PRMT9: variants seen among roughly 807,000 people sequenced by gnomAD.
PRMT9 encodes the protein protein arginine N-methyltransferase 9.
PRMT9 carries 59 observed loss-of-function variants against 83.2 expected under a neutral mutation model. That is an observed-to-expected ratio of 0.71 (90% CI 0.57 to 0.88). The LOEUF is 0.88. Among genes scored for constraint, PRMT9 ranks in the 40% least tolerant of loss-of-function variants. PRMT9 has a pLI of 0.00. For missense variants in PRMT9, 947 were observed against 1,021.9 expected (o/e 0.93, Z 1.00); for synonymous variants, 333 against 353.2 (o/e 0.94, Z 0.64).
In PRMT9 at chr4:147,638,571, C is replaced by G. The variant is rs149853203; in HGVS notation, c.2499G>C (p.Gln833His). 4.7e-5 allele frequency: 76 copies of G among 1,613,734 alleles called. No individual in the cohort carries two copies. Among genetic ancestry groups the G allele is most frequent in the Non-Finnish European group, 6.4e-5 (76 of 1,179,848 alleles). ...TGATGCTGACATTGCTTTTGTGATGCTGAATGCTGAGTACAAGTTCCTCTC... is the reference window on the plus strand; with the variant it reads ...TGATGCTGACATTGCTTTTGTGATGGTGAATGCTGAGTACAAGTTCCTCTC... ...EMGEELVLSI[Q>H]HHKSNVSITV... The change falls in exon 12 of 12, where the codon CAG (glutamine) becomes CAC (histidine). Residue 833 changes from glutamine (Q) to histidine (H), a missense_variant. Transcript: ENST00000322396.
intron 9 of PRMT9, among the ~76,000 whole-genome samples, chr4:147,647,525 C>CTT (rs111868573): frequency 5.7e-5 from 8 of 141,516 alleles, no homozygotes; most frequent in Admixed American, 3.6e-4. Context: ...TTACACTTTT[C>CTT]TTTTTTTTTT....
intron 9 of PRMT9, 54 bp from the exon 10 acceptor site, chr4:147,642,994 T>C: frequency 1.3e-6 from 2 of 1,542,198 alleles, no homozygotes; most frequent in Non-Finnish European, 1.8e-6. Context: ...CGACAGTGGC[T>C]CACGCCTGTA....
intron 6 of PRMT9, among the ~76,000 whole-genome samples, chr4:147,664,693 C>A (rs1020033270): frequency 2.0e-5 from 3 of 152,036 alleles, no homozygotes; most frequent in Non-Finnish European, 4.4e-5. Context: ...GCATGCGGGG[C>A]TTAAAACCTA....
chr4:147,647,328 C>T (rs1733796057), intron 9 of PRMT9, among the ~76,000 whole-genome samples: 1 of 152,032 alleles, frequency 6.6e-6, no homozygotes, highest in African/African-American at 2.4e-5. Context: ...TGACTCCCAC[C>T]CAGAAAGTTG....
chr4:147,684,066 G>C lies in PRMT9; in HGVS notation c.-79C>G. 1 of 1,451,610 alleles carries C rather than the reference G, an allele frequency of 6.9e-7. No homozygotes were observed. The highest frequency in any genetic ancestry group is 9.4e-7 in the Non-Finnish European group (1 of 1,058,740). 89.9% of individuals were successfully genotyped at this position (1,451,610 alleles called of 1,614,324 possible). A position where few individuals can be genotyped will look rare whatever the true frequency, so the allele number is the denominator to read the frequency against. ...AAACTCTCTCGATGCTACACTTCCA[G>C]GGACCAGACAACTGCTCAAAAAACA... On this transcript the variant is annotated 5_prime_UTR_variant, in exon 1 of 12. Transcript: ENST00000322396.
intron 6 of PRMT9, among the ~76,000 whole-genome samples, chr4:147,668,322 C>T (rs990915464): frequency 8.6e-5 from 13 of 152,024 alleles, no homozygotes; most frequent in African/African-American, 3.1e-4. Context: ...CTACACTCAC[C>T]CACGTGGTCT....
At chr4:147,668,402 C>T in intron 6 of PRMT9, 137 bp downstream of exon 6, 1 of 672,552 alleles carries the variant, frequency 1.5e-6, no homozygotes, top group Non-Finnish European at 2.7e-6. Flanking sequence ...GCCTGCTTCC[C>T]CTTCTGCCAT....
chr4:147,683,902 A>C lies in PRMT9; in HGVS notation c.86T>G (p.Leu29Trp). 3 of 1,613,536 alleles carry C rather than the reference A, an allele frequency of 1.9e-6. No individual in the cohort carries two copies. Among genetic ancestry groups the C allele is most frequent in the Non-Finnish European group, 2.5e-6 (3 of 1,179,948 alleles). The change falls in exon 1 of 12, where the codon TTG (leucine) becomes TGG (tryptophan). Residue 29 changes from leucine to tryptophan, a missense_variant. Leu to Trp is a moderately conservative substitution (Grantham distance 61, BLOSUM62 -2). Transcript: ENST00000322396. ...GCCCAGACAGTGCTCTGCGCTCTGC[A>C]AGGACCGCGACACCAGCTCGTCCCG... is the stretch of plus-strand genomic sequence containing the variant. Reference protein sequence around the residue: ...AGRDELVSRSLQSAEHCLGVQ... With the variant: ...AGRDELVSRSWQSAEHCLGVQ...
chr4:147,639,136 C>T (rs577054395), intron 10 of PRMT9, 54 bp from the exon 11 acceptor site: 21 of 1,590,122 alleles, frequency 1.3e-5, no homozygotes, highest in Admixed American at 5.0e-5. Context: ...GGTCAGGGCT[C>T]AAGTTTTTCA....
rs183225190 is a variant in PRMT9, at chr4:147,663,500, G to T, written c.954-2462C>A. ...CCTATCTCCACTTCCTGAGTAGCTG[G>T]GACTACAGGTGCATGCCACCACGCC... On this transcript the variant is annotated intron_variant, in intron 6 of 11. Transcript: ENST00000322396. Among the ~76,000 whole-genome samples the T allele has an allele frequency of 2.4e-3, 357 of 151,848 alleles. 1 individual carries two copies. Among genetic ancestry groups the T allele is most frequent in the African/African-American group, 8.2e-3 (341 of 41,380 alleles).
intron 7 of PRMT9, among the ~76,000 whole-genome samples, chr4:147,658,400 G>A (rs1734692457): frequency 6.6e-6 from 1 of 151,938 alleles, no homozygotes; most frequent in Non-Finnish European, 1.5e-5. Context: ...TGTGTGTACA[G>A]AAAAGAAAGT....
chr4:147,682,690 G>A (rs1736567099), intron 1 of PRMT9, among the ~76,000 whole-genome samples: 1 of 152,226 alleles, frequency 6.6e-6, no homozygotes, highest in South Asian at 2.1e-4. Context: ...TAAGAAACAA[G>A]TAACTGAGGA....
intron 5 of PRMT9, among the ~76,000 whole-genome samples, chr4:147,668,914 A>G (rs778301712): frequency 1.3e-5 from 2 of 151,996 alleles, no homozygotes; most frequent in Non-Finnish European, 2.9e-5. Flanking sequence ...GTGAAACCCC[A>G]TCTCTACTAA....
chr4:147,665,599 A>C (rs1735273870), intron 6 of PRMT9, among the ~76,000 whole-genome samples: 1 of 152,134 alleles, frequency 6.6e-6, no homozygotes, highest in Non-Finnish European at 1.5e-5. Flanking sequence ...TATTGAATCT[A>C]TTCCACCCCA....
At chr4:147,654,935 A>T (rs948093559) in intron 8 of PRMT9, among the ~76,000 whole-genome samples, 2 of 152,218 alleles carry the variant, frequency 1.3e-5, no homozygotes, top group African/African-American at 4.8e-5. Context: ...TAACAACAAC[A>T]AAGATAAAAT....
At chr4:147,643,381 A>G (rs935623228) in intron 9 of PRMT9, among the ~76,000 whole-genome samples, 3 of 152,236 alleles carry the variant, frequency 2.0e-5, no homozygotes, top group Non-Finnish European at 2.9e-5. Context: ...CATAGAGTCT[A>G]ATGGACTTTC....
rs1735027545 is a variant in PRMT9 at position 147,662,415 on chromosome 4, C to T, written c.954-1377G>A. Reference sequence around the variant, plus strand: ...AATATTCTGGTCCTTGATGTCAGCACTGATTACCCAGGTCTATCAACTTCA... The same window carrying T: ...AATATTCTGGTCCTTGATGTCAGCATTGATTACCCAGGTCTATCAACTTCA... On this transcript the variant is annotated intron_variant, in intron 6 of 11. Transcript: ENST00000322396. Among the ~76,000 whole-genome samples, 6 of 152,194 alleles carry T rather than the reference C, an allele frequency of 3.9e-5. No homozygotes were observed. In the South Asian group the frequency reaches 1.0e-3, roughly 26 times the overall value.
chr4:147,661,239 A>C, intron 6 of PRMT9: 1 of 454,630 alleles, frequency 2.2e-6, no homozygotes, highest in East Asian at 3.3e-5. Context: ...GGTCTATAAT[A>C]AAATTAAGAA....
intron 2 of PRMT9, among the ~76,000 whole-genome samples, chr4:147,679,056 T>C (rs927044688): frequency 6.6e-6 from 1 of 152,200 alleles, no homozygotes; most frequent in Non-Finnish European, 1.5e-5. Flanking sequence ...AAATTCACCC[T>C]TTTTTGCCTG....
Sources: gnomAD v4.1 joint callset for allele counts (sites outside exome capture counted in the v4.1 genomes callset) on GRCh38, gnomAD v4.1.1 for gene constraint, MANE v1.5 for transcripts, NCBI Gene and HGNC (gene_info 2026-07-23, HGNC 2026-07-21) for gene names.